The following PALLD variants were observed in gnomAD, a reference collection of about 807,000 sequenced individuals.
PALLD encodes palladin.
PALLD carries 61 observed loss-of-function variants against 123.5 expected under a neutral mutation model. That is an observed-to-expected ratio of 0.49 (90% CI 0.40 to 0.61). The LOEUF is 0.61. Ranked by LOEUF, PALLD falls within the 20% of genes least tolerant of loss-of-function variation. PALLD has a pLI of 0.00. For missense variants in PALLD, 1,273 were observed against 1,377.0 expected, an observed-to-expected ratio of 0.92 and a Z score of 1.20; for synonymous variants, 465 against 496.4, an observed-to-expected ratio of 0.94 and a Z score of 0.84.
At chr4:168,600,108 T>TATACATACATGTGTATACACACAC (rs1772475610) in intron 2 of PALLD, among the ~76,000 whole-genome samples, 1 of 121,558 alleles carries the variant, frequency 8.2e-6, no homozygotes, top group African/African-American at 2.9e-5. Flanking sequence ...TATGCACACA[T>TATACATACATGTGTATACACACAC]ATATATACAT....
At chr4:168,785,300 G>A (rs1051555063) in intron 10 of PALLD, among the ~76,000 whole-genome samples, 2 of 151,900 alleles carry the variant, frequency 1.3e-5, no homozygotes, top group Non-Finnish European at 2.9e-5. Context: ...CTGTTTGTTC[G>A]ACATCCGAAA....
chr4:168,711,802 C>A lies in PALLD; in HGVS notation c.1843C>A (p.Pro615Thr). ...AAERETNGVH[P>T]SRGVNGLING... ...TGAGAGGGAAACGAACGGAGTCCATCCCAGCCGTGGAGTAAATGGACTGAT... is the reference window on the plus strand; with the variant it reads ...TGAGAGGGAAACGAACGGAGTCCATACCAGCCGTGGAGTAAATGGACTGAT... The change falls in exon 10 of 22, where the codon CCC becomes ACC. Residue 615 changes from proline to threonine, a missense_variant. Pro to Thr is a conservative substitution (Grantham distance 38). Around this residue, in one of 2 missense-constraint regions of PALLD, gnomAD observed 944 missense variants for 954.5 expected, o/e 0.99. Coordinates refer to ENST00000505667, the MANE Select transcript of PALLD (RefSeq NM_001166108.2). The A allele has an allele frequency of 6.2e-7, 1 of 1,614,034 alleles. No individual in the cohort carries two copies. Among genetic ancestry groups the A allele is most frequent in the Non-Finnish European group, 8.5e-7 (1 of 1,179,926 alleles).
At chr4:168,586,538 C>G (rs1028129009) in intron 2 of PALLD, among the ~76,000 whole-genome samples, 1 of 152,124 alleles carries the variant, frequency 6.6e-6, no homozygotes, top group Non-Finnish European at 1.5e-5. Context: ...ACTGGTAAAA[C>G]TGAGATAGCC....
intron 2 of PALLD, among the ~76,000 whole-genome samples, chr4:168,593,480 A>T (rs1046547050): frequency 2.7e-5 from 4 of 150,378 alleles, no homozygotes; most frequent in African/African-American, 9.8e-5. Flanking sequence ...TCAAAAGTTC[A>T]GCTTTGAAAT....
intron 10 of PALLD, among the ~76,000 whole-genome samples, chr4:168,825,825 TCC>T (rs1489707295): frequency 7.2e-4 from 110 of 152,198 alleles, no homozygotes; most frequent in Non-Finnish European, 1.4e-3. Flanking sequence ...GACACAAGAT[TCC>T]TTGTTATGGT....
intron 2 of PALLD, among the ~76,000 whole-genome samples, chr4:168,516,900 ATTAAG>A (rs2149441940): frequency 6.6e-6 from 1 of 152,280 alleles, no homozygotes; most frequent in South Asian, 2.1e-4. Context: ...CTTTTTTTGT[ATTAAG>A]TTAATCATGG....
In PALLD at chr4:168,512,064, A is replaced by T. The variant is rs1236090387; in HGVS notation, c.560A>T (p.Lys187Met). Residue 187 changes from lysine to methionine, a missense_variant, in exon 2 of 22, where the codon AAG (lysine) becomes ATG (methionine). This residue lies in a region of PALLD where 944 missense variants were observed against 954.5 expected (regional missense o/e 0.99). Transcript: ENST00000505667. ...EELTSIFKAA[K>M]PRNRSPNGES... is the part of the protein sequence containing the mutation. ...CTAACATCCATATTTAAAGCCGCAAAGCCAAGAAACAGAAGCCCAAATGGG... is the reference window on the plus strand; with the variant it reads ...CTAACATCCATATTTAAAGCCGCAATGCCAAGAAACAGAAGCCCAAATGGG... 1 of 1,614,132 alleles carries T rather than the reference A, an allele frequency of 6.2e-7. No individual in the cohort carries two copies. The highest frequency in any genetic ancestry group is 1.7e-5 in the Admixed American group (1 of 60,014).
In PALLD at chr4:168,568,358, C is replaced by A. The variant is rs1381445637; in HGVS notation, c.908+55946C>A. ...GGTATTGGGTACACTAAAAATTGGT[C>A]ATTAAAGGCATATTGAATATTCTTG... On this transcript the variant is annotated intron_variant, in intron 2 of 21. Coordinates refer to ENST00000505667, the MANE Select transcript of PALLD (RefSeq NM_001166108.2). Among the ~76,000 whole-genome samples, 3 of 151,924 alleles carry A rather than the reference C, an allele frequency of 2.0e-5. No individual in the cohort carries two copies. The East Asian group carries it at 5.8e-4, about 29-fold the overall frequency.
At chr4:168,903,955 G>A in intron 15 of PALLD, 49 bp downstream of exon 15, 4 of 1,519,046 alleles carry the variant, frequency 2.6e-6, no homozygotes, top group Non-Finnish European at 3.7e-6. Context: ...AGTGCTTACA[G>A]GCATTTGATT....
intron 4 of PALLD, among the ~76,000 whole-genome samples, chr4:168,681,925 A>T (rs988533873): frequency 2.6e-5 from 4 of 152,166 alleles, no homozygotes; most frequent in African/African-American, 7.2e-5. Flanking sequence ...GAATTTTACC[A>T]TATGCAATGT....
intron 10 of PALLD, among the ~76,000 whole-genome samples, chr4:168,712,459 A>G (rs1784924589): frequency 6.6e-6 from 1 of 152,168 alleles, no homozygotes; most frequent in Non-Finnish European, 1.5e-5. Flanking sequence ...AACACAGGCT[A>G]CTTGGCTTGG....
At chr4:168,506,076 T>C (rs769069109) in intron 1 of PALLD, 1 of 152,226 alleles carries the variant, frequency 6.6e-6, no homozygotes, top group Non-Finnish European at 1.5e-5. Flanking sequence ...CCTCCCATTT[T>C]ACCTGCATGT....
At chr4:168,503,165 G>C (rs943456811) in intron 1 of PALLD, among the ~76,000 whole-genome samples, 7 of 152,204 alleles carry the variant, frequency 4.6e-5, no homozygotes, top group Non-Finnish European at 1.0e-4. Flanking sequence ...CTTCCATTGG[G>C]CTCACAGTTG....
intron 15 of PALLD, chr4:168,904,204 G>A: frequency 5.9e-6 from 2 of 340,418 alleles, no homozygotes; most frequent in South Asian, 3.7e-5. Flanking sequence ...AAAGTCCTAT[G>A]GTAAAAAATA....
chr4:168,868,747 A>T (rs950549205), intron 10 of PALLD, among the ~76,000 whole-genome samples: 4 of 152,186 alleles, frequency 2.6e-5, no homozygotes, highest in Admixed American at 2.0e-4. Flanking sequence ...CACACAAGGG[A>T]ACTGTTTCCT....
intron 2 of PALLD, among the ~76,000 whole-genome samples, chr4:168,548,057 CAA>C (rs1415760197): frequency 6.7e-6 from 1 of 148,552 alleles, no homozygotes; most frequent in African/African-American, 2.5e-5. Flanking sequence ...AACAAACAAA[CAA>C]AAAAGTCTCC....
At chr4:168,669,715 A>G (rs1000678791) in intron 3 of PALLD, among the ~76,000 whole-genome samples, 8 of 152,188 alleles carry the variant, frequency 5.3e-5, no homozygotes, top group African/African-American at 1.9e-4. Context: ...AACATCTTGG[A>G]GTGCCTCAAG....
At chr4:168,816,517 T>A (rs1287447265) in intron 10 of PALLD, among the ~76,000 whole-genome samples, 2 of 151,680 alleles carry the variant, frequency 1.3e-5, no homozygotes, top group African/African-American at 2.4e-5. Flanking sequence ...CAAATCTAAC[T>A]GCCAAAACAC....
rs1048547337 is a variant in PALLD, at chr4:168,877,998, C to T, written c.1965-12924C>T. The T allele has an allele frequency of 4.1e-5, 62 of 1,498,268 alleles. No homozygotes were observed. In the African/African-American group the frequency reaches 7.7e-4, roughly 19 times the overall value. 92.8% of individuals were successfully genotyped at this position (1,498,268 alleles called of 1,614,324 possible). A position where few individuals can be genotyped will look rare whatever the true frequency, so the allele number is the denominator to read the frequency against. On this transcript the variant is annotated intron_variant, in intron 10 of 21. Coordinates refer to ENST00000505667, the MANE Select transcript of PALLD (RefSeq NM_001166108.2). ...GCCGCGCAGAACCTCGGGCCCGCGT[C>T]GGGCCACGGCACGCCGGCCTCCAGC...
Sources: allele counts gnomAD v4.1 joint callset (sites outside exome capture counted in the v4.1 genomes callset), GRCh38; gene constraint gnomAD v4.1.1; regional missense constraint gnomAD v4.1.1; transcripts MANE v1.5; gene names NCBI Gene and HGNC (gene_info 2026-07-23, HGNC 2026-07-21).